RERE: variants seen among roughly 807,000 people sequenced by gnomAD.
The protein encoded by RERE is arginine-glutamic acid dipeptide repeats.
RERE carries 40 observed loss-of-function variants against 146.1 expected under a neutral mutation model. That is an observed-to-expected ratio of 0.27 (90% CI 0.21 to 0.36). RERE has a LOEUF of 0.36. Among genes scored for constraint, RERE ranks in the 10% least tolerant of loss-of-function variants. The pLI is 1.00. For missense variants in RERE, 1,933 were observed against 2,138.7 expected (o/e 0.90, Z 1.90); for synonymous variants, 1,003 against 866.0 (o/e 1.16, Z -2.78).
chr1:8,714,821 G>A (rs1569615621), intron 1 of RERE, among the ~76,000 whole-genome samples: 1 of 152,050 alleles, frequency 6.6e-6, no homozygotes. Context: ...AATCAAAAGA[G>A]AGACAATTAT....
chr1:8,382,861 G>T (rs574344628), intron 12 of RERE, among the ~76,000 whole-genome samples: 1 of 152,172 alleles, frequency 6.6e-6, no homozygotes, highest in South Asian at 2.1e-4. Context: ...TCCTTTATAG[G>T]GTTGTGGTGA....
intron 1 of RERE, among the ~76,000 whole-genome samples, chr1:8,774,251 T>C (rs1641012591): frequency 6.6e-6 from 1 of 152,174 alleles, no homozygotes; most frequent in Non-Finnish European, 1.5e-5. Flanking sequence ...CTCAGTTTTC[T>C]TCATTTCAGC....
At chr1:8,454,065 G>A (rs563490579) in intron 11 of RERE, among the ~76,000 whole-genome samples, 1 of 152,324 alleles carries the variant, frequency 6.6e-6, no homozygotes, top group African/African-American at 2.4e-5. Flanking sequence ...GGACAGAAGA[G>A]CACAGAGCAT....
At position 8,361,072 on chromosome 1, in the gene RERE, G is replaced by A; in HGVS notation, c.2435C>T (p.Pro812Leu). ...GGGATGCGGCGGGGGATGCGGTGAGGGCGGCCGCTGGGGGTGCAAGGCCGG... is the reference window on the plus strand; with the variant it reads ...GGGATGCGGCGGGGGATGCGGTGAGAGCGGCCGCTGGGGGTGCAAGGCCGG... The part of the protein sequence containing the change: ...QAPALHPQRP[P>L]SPHPPPHPSP... Residue 812 changes from proline to leucine, a missense_variant, in exon 18 of 23, where the codon CCC becomes CTC. Physicochemically the swap from Pro to Leu is moderately conservative, Grantham distance 98. Transcript: ENST00000400908. 1 of 1,439,516 alleles carries A rather than the reference G, an allele frequency of 6.9e-7. No individual in the cohort carries two copies. The highest frequency in any genetic ancestry group is 9.1e-7 in the Non-Finnish European group (1 of 1,101,552). 89.2% of individuals were successfully genotyped at this position (1,439,516 alleles called of 1,614,324 possible). A position where few individuals can be genotyped will look rare whatever the true frequency, so the allele number is the denominator to read the frequency against.
At chr1:8,746,190 C>T (rs1640417058) in intron 1 of RERE, among the ~76,000 whole-genome samples, 1 of 152,210 alleles carries the variant, frequency 6.6e-6, no homozygotes, top group Non-Finnish European at 1.5e-5. Context: ...CCAAAGTACT[C>T]TGTTTATATC....
chr1:8,569,834 A>G (rs1179843944), intron 4 of RERE, among the ~76,000 whole-genome samples: 1 of 146,466 alleles, frequency 6.8e-6, no homozygotes, highest in Non-Finnish European at 1.5e-5. Context: ...AAAGGCTGCA[A>G]TAAGCTATGA....
chr1:8,398,457 T>C (rs1181099849), intron 12 of RERE, among the ~76,000 whole-genome samples: 2 of 152,252 alleles, frequency 1.3e-5, no homozygotes, highest in Non-Finnish European at 2.9e-5. Context: ...TCCTGACGTG[T>C]GTCTTGACCG....
chr1:8,623,130 T>C (rs923900274), intron 3 of RERE, among the ~76,000 whole-genome samples: 5 of 152,162 alleles, frequency 3.3e-5, no homozygotes, highest in African/African-American at 1.2e-4. Flanking sequence ...CAAATACCAA[T>C]TGTTTGAGGA....
chr1:8,578,199 G>GT (rs1363749880), intron 4 of RERE, among the ~76,000 whole-genome samples: 1 of 152,078 alleles, frequency 6.6e-6, no homozygotes, highest in Non-Finnish European at 1.5e-5. Context: ...AACATATTTT[G>GT]TCTATGTTTC....
intron 1 of RERE, among the ~76,000 whole-genome samples, chr1:8,736,502 C>A (rs373587780): frequency 1.3e-5 from 2 of 152,092 alleles, no homozygotes; most frequent in African/African-American, 4.8e-5. Context: ...CCACCGCGCC[C>A]GGCCTATACT....
At chr1:8,696,837 G>A (rs952172888) in intron 1 of RERE, among the ~76,000 whole-genome samples, 2 of 151,926 alleles carry the variant, frequency 1.3e-5, no homozygotes, top group African/African-American at 4.8e-5. Context: ...TTGAACCCAG[G>A]AGGCAGAGAT....
At chr1:8,661,207 A>C (rs1374717606) in intron 1 of RERE, among the ~76,000 whole-genome samples, 1 of 152,152 alleles carries the variant, frequency 6.6e-6, no homozygotes, top group Non-Finnish European at 1.5e-5. Flanking sequence ...GTGATTCCTG[A>C]AGAGGGGAAA....
At chr1:8,774,647 C>T (rs11121230) in intron 1 of RERE, among the ~76,000 whole-genome samples, 31,822 of 151,958 alleles carry the variant, frequency 0.21, 3,823 homozygotes, top group Middle Eastern at 0.27. Context: ...AGTCACCACA[C>T]CCGGCCATCA....
chr1:8,642,868 A>G (rs1444352448), intron 2 of RERE, among the ~76,000 whole-genome samples: 1 of 152,190 alleles, frequency 6.6e-6, no homozygotes, highest in Non-Finnish European at 1.5e-5. Context: ...TGCTAAAGGA[A>G]GAACAGCTGA....
intron 1 of RERE, among the ~76,000 whole-genome samples, chr1:8,773,596 T>C (rs1478548934): frequency 6.6e-6 from 1 of 152,036 alleles, no homozygotes; most frequent in Non-Finnish European, 1.5e-5. Context: ...GAGGCCAGGG[T>C]GGGCGAATCA....
At chr1:8,530,324 T>C (rs900554959) in intron 7 of RERE, among the ~76,000 whole-genome samples, 3 of 152,186 alleles carry the variant, frequency 2.0e-5, no homozygotes, top group African/African-American at 4.8e-5. Flanking sequence ...AAAAACCACT[T>C]TGTCCACTAT....
At chr1:8,601,626 C>CCACACA (rs3082094) in intron 4 of RERE, among the ~76,000 whole-genome samples, 15,527 of 94,694 alleles carry the variant, frequency 0.16, 2,244 homozygotes, top group Non-Finnish European at 0.18. Context: ...TCCAAGGTCA[C>CCACACA]CACACACACA....
chr1:8,815,839 G>A (rs199985881), intron 1 of RERE, among the ~76,000 whole-genome samples: 1 of 151,224 alleles, frequency 6.6e-6, no homozygotes, highest in African/African-American at 2.5e-5. Flanking sequence ...TTGTGTGTGT[G>A]TGTATGTGTG....
chr1:8,817,111 G>C (rs982673842), intron 1 of RERE, 49 bp downstream of exon 1: 1 of 152,250 alleles, frequency 6.6e-6, no homozygotes, highest in Non-Finnish European at 1.5e-5. Flanking sequence ...CAGGACGAGG[G>C]GCCAAAAAAG....
Sources: allele counts gnomAD v4.1 joint callset (sites outside exome capture counted in the v4.1 genomes callset), GRCh38; gene constraint gnomAD v4.1.1; transcripts MANE v1.5; gene names NCBI Gene and HGNC (gene_info 2026-07-23, HGNC 2026-07-21).